CTNNBL1: variants seen among roughly 807,000 people sequenced by gnomAD.
CTNNBL1 encodes catenin beta like 1.
In CTNNBL1, 31 loss-of-function variants were observed where a neutral mutation model predicts 72.7. The ratio of observed to expected loss-of-function variants is 0.43; its 90% CI spans 0.32 to 0.58. The LOEUF (loss-of-function observed/expected upper bound fraction) is 0.58. Among genes scored for constraint, CTNNBL1 ranks in the 20% least tolerant of loss-of-function variants. CTNNBL1 has a pLI of 0.08. For missense variants in CTNNBL1, 534 were observed against 725.1 expected (o/e 0.74, Z 3.03); for synonymous variants, 240 against 267.3 (o/e 0.90, Z 1.00).
intron 13 of CTNNBL1, among the ~76,000 whole-genome samples, chr20:37,859,272 G>A (rs193129549): frequency 6.6e-6 from 1 of 151,596 alleles, no homozygotes; most frequent in Non-Finnish European, 1.5e-5. Flanking sequence ...CAGGAGAATC[G>A]CATGAACCAG....
intron 4 of CTNNBL1, 54 bp from the exon 5 acceptor site, chr20:37,757,505 A>T: frequency 1.5e-6 from 2 of 1,299,384 alleles, no homozygotes; most frequent in Non-Finnish European, 2.2e-6. Context: ...TCAAGGATTA[A>T]GAAAAATACT....
intron 5 of CTNNBL1, 83 bp downstream of exon 5, chr20:37,757,739 C>G: frequency 5.3e-6 from 5 of 950,724 alleles, no homozygotes; most frequent in Non-Finnish European, 8.4e-6. Context: ...GAGTGGCCAC[C>G]AGGTGGAACT....
chr20:37,748,524 C>T (rs747016777), intron 4 of CTNNBL1, among the ~76,000 whole-genome samples: 4 of 152,194 alleles, frequency 2.6e-5, no homozygotes, highest in African/African-American at 9.6e-5. Context: ...GAACCATAAG[C>T]TGTGCTGGTT....
intron 1 of CTNNBL1, among the ~76,000 whole-genome samples, chr20:37,708,750 G>T (rs1262231708): frequency 6.6e-6 from 1 of 152,088 alleles, no homozygotes; most frequent in Non-Finnish European, 1.5e-5. Context: ...ACTCACTTTG[G>T]ATTATCAGCT....
In CTNNBL1 at chr20:37,803,068, T is replaced by G; in HGVS notation, c.1213+20T>G. 6.2e-7 allele frequency: 1 copy of G among 1,606,772 alleles called. No homozygotes were observed. Among genetic ancestry groups the G allele is most frequent in the Non-Finnish European group, 8.5e-7 (1 of 1,175,374 alleles). On this transcript the variant is annotated intron_variant, in intron 11 of 15. Transcript: ENST00000361383. ...ATGAAGGTAGGGTTCACTGGAGGAG[T>G]CAGCCTAATTTAGGTGCATTAGGAG...
At chr20:37,795,968 A>G (rs1366728715) in intron 10 of CTNNBL1, among the ~76,000 whole-genome samples, 1 of 151,410 alleles carries the variant, frequency 6.6e-6, no homozygotes, top group Non-Finnish European at 1.5e-5. Flanking sequence ...CTAAGATACA[A>G]AGTTACTTGG....
Position 37,713,036 on chromosome 20 carries a change from G to A in CTNNBL1, c.30+18884G>A, listed in dbSNP as rs6012889. 4.5e-3 allele frequency among the ~76,000 whole-genome samples: 691 copies of A among 152,264 alleles called. 9 individuals are homozygous for A. The highest frequency in any genetic ancestry group is 0.017 in the East Asian group (89 of 5,188). On this transcript the variant is annotated intron_variant, in intron 1 of 15. Coordinates refer to ENST00000361383, the MANE Select transcript of CTNNBL1 (RefSeq NM_030877.5). ...TGCCAATGTAAAGTCACTGAATATTGTCTCCCTGGCTGCTCACTGGGGATC... is the reference window on the plus strand; with the variant it reads ...TGCCAATGTAAAGTCACTGAATATTATCTCCCTGGCTGCTCACTGGGGATC...
intron 10 of CTNNBL1, among the ~76,000 whole-genome samples, chr20:37,790,958 T>C (rs2073719911): frequency 6.6e-6 from 1 of 152,236 alleles, no homozygotes; most frequent in Admixed American, 6.5e-5. Context: ...TTGCCTTCTG[T>C]CCATTATGTA....
chr20:37,723,168 C>T (rs930131036), intron 1 of CTNNBL1, among the ~76,000 whole-genome samples: 1 of 152,174 alleles, frequency 6.6e-6, no homozygotes, highest in African/African-American at 2.4e-5. Flanking sequence ...TCTATACACC[C>T]TTTGGTGGTG....
chr20:37,844,015 G>A (rs554453771), intron 13 of CTNNBL1, among the ~76,000 whole-genome samples: 2 of 152,138 alleles, frequency 1.3e-5, no homozygotes, highest in African/African-American at 4.8e-5. Flanking sequence ...TAAACTTTCC[G>A]TTTCCATCTT....
intron 6 of CTNNBL1, among the ~76,000 whole-genome samples, chr20:37,767,543 C>T (rs1052944114): frequency 4.6e-5 from 7 of 152,136 alleles, no homozygotes; most frequent in African/African-American, 1.7e-4. Flanking sequence ...GGAAAGGAAG[C>T]GACTCTTGAG....
chr20:37,871,904 ACT>A lies in CTNNBL1; in HGVS notation c.1604-18_1604-17del, dbSNP rs761048305. 9 of 1,608,466 alleles carry A rather than the reference ACT, an allele frequency of 5.6e-6. No individual in the cohort carries two copies. In the East Asian group the frequency reaches 1.8e-4, roughly 32 times the overall value. On this transcript the variant is annotated intron_variant, in intron 15 of 15. Transcript: ENST00000361383. ...ATGCCATGCCTGGGATCCACTCCTG[ACT>A]CTATCTTTGTCCCCCTAGAGTATGC...
At chr20:37,782,537 C>T (rs932314480) in intron 10 of CTNNBL1, among the ~76,000 whole-genome samples, 7 of 152,164 alleles carry the variant, frequency 4.6e-5, no homozygotes, top group Admixed American at 3.9e-4. Context: ...ACTATCCAGT[C>T]GAAATGTAAT....
intron 11 of CTNNBL1, among the ~76,000 whole-genome samples, chr20:37,805,352 C>A (rs2071946561): frequency 6.6e-6 from 1 of 152,058 alleles, no homozygotes; most frequent in African/African-American, 2.4e-5. Context: ...ACCCTGTCTG[C>A]CTGGCTATCT....
rs773006796 is a variant in CTNNBL1 at position 37,768,012 on chromosome 20, G to T, written c.718G>T (p.Gly240Cys). The change falls in exon 7 of 16, where the codon GGT becomes TGT. Residue 240 changes from glycine (G) to cysteine (C), a missense_variant. Gly to Cys is a radical substitution (Grantham distance 159). Coordinates refer to ENST00000361383, the MANE Select transcript of CTNNBL1 (RefSeq NM_030877.5). ...PEMCTEGAQQ[G>C]LLQWLLKRLK... Reference sequence around the variant, plus strand: ...GATGTGTACAGAGGGTGCCCAGCAGGGTCTTCTACAGTGGCTGTTGAAGAG... The same window carrying T: ...GATGTGTACAGAGGGTGCCCAGCAGTGTCTTCTACAGTGGCTGTTGAAGAG... The T allele has an allele frequency of 1.9e-6, 3 of 1,613,982 alleles. No homozygotes were observed. Among genetic ancestry groups the T allele is most frequent in the Non-Finnish European group, 2.5e-6 (3 of 1,179,948 alleles).
intron 4 of CTNNBL1, chr20:37,757,085 T>C: frequency 6.6e-6 from 1 of 152,572 alleles, no homozygotes; most frequent in Non-Finnish European, 1.5e-5. Context: ...AATTTTTCCC[T>C]TTGTTTTCAA....
At chr20:37,868,736 G>A (rs540929333) in intron 15 of CTNNBL1, among the ~76,000 whole-genome samples, 1 of 152,182 alleles carries the variant, frequency 6.6e-6, no homozygotes, top group African/African-American at 2.4e-5. Context: ...TGATGCAGGT[G>A]TGGGTTCCCT....
At chr20:37,867,838 T>G (rs1047675545) in intron 15 of CTNNBL1, among the ~76,000 whole-genome samples, 1 of 152,152 alleles carries the variant, frequency 6.6e-6, no homozygotes, top group Non-Finnish European at 1.5e-5. Context: ...AGATTTGCTC[T>G]AAATAGGACT....
chr20:37,767,899 T>TG, intron 6 of CTNNBL1, 54 bp from the exon 7 acceptor site: 1 of 1,430,910 alleles, frequency 7.0e-7, no homozygotes, highest in Admixed American at 1.7e-5. Flanking sequence ...GCAAGCTTGT[T>TG]GCAGATGGAA....
Sources: gnomAD v4.1 joint callset for allele counts (sites outside exome capture counted in the v4.1 genomes callset) on GRCh38, gnomAD v4.1.1 for gene constraint, MANE v1.5 for transcripts, NCBI Gene and HGNC (gene_info 2026-07-23, HGNC 2026-07-21) for gene names.